Variants in NELL1 observed in about 807,000 individuals in gnomAD.
The protein encoded by NELL1 is protein kinase C-binding protein NELL1.
In NELL1, 76 loss-of-function variants were observed where a neutral mutation model predicts 107.4. The observed-to-expected ratio is 0.71, with a 90% CI of 0.59 to 0.86. The LOEUF (loss-of-function observed/expected upper bound fraction) is 0.86, where lower values mean the gene tolerates loss of function less well. NELL1 is among the 40% of genes least tolerant of loss of function. The probability of loss-of-function intolerance (pLI) is 0.00; values close to 1 mark genes in which losing one functional copy is unlikely to be tolerated. For missense variants in NELL1, 1,024 were observed against 1,005.5 expected (o/e 1.02, Z -0.25); for synonymous variants, 353 against 341.2 (o/e 1.03, Z -0.38).
intron 15 of NELL1, among the ~76,000 whole-genome samples, chr11:21,484,899 C>T (rs1403741671): frequency 1.3e-5 from 2 of 152,052 alleles, no homozygotes; most frequent in African/African-American, 4.8e-5. Context: ...TCACAGTTCA[C>T]ATAGATTTCC....
chr11:21,257,106 C>T (rs921516052), intron 14 of NELL1, among the ~76,000 whole-genome samples: 1 of 151,942 alleles, frequency 6.6e-6, no homozygotes, highest in African/African-American at 2.4e-5. Flanking sequence ...GGAAGTCAGG[C>T]AGGTGTGTGT....
At chr11:21,096,575 C>A (rs185122362) in intron 12 of NELL1, among the ~76,000 whole-genome samples, 7 of 152,188 alleles carry the variant, frequency 4.6e-5, no homozygotes, top group Admixed American at 2.6e-4. Flanking sequence ...GCCACTCCCC[C>A]TCATTTGTTG....
intron 14 of NELL1, among the ~76,000 whole-genome samples, chr11:21,246,846 G>A (rs1424771622): frequency 6.6e-6 from 1 of 152,160 alleles, no homozygotes; most frequent in East Asian, 1.9e-4. Context: ...ATGGTGGCAA[G>A]CCAGAGAGGA....
intron 16 of NELL1, among the ~76,000 whole-genome samples, chr11:21,552,509 G>T (rs1313921019): frequency 6.6e-6 from 1 of 151,076 alleles, no homozygotes; most frequent in African/African-American, 2.4e-5. Flanking sequence ...AGAAAAAAAA[G>T]ACAAATTTAA....
At chr11:21,329,126 C>T (rs1850214582) in intron 14 of NELL1, among the ~76,000 whole-genome samples, 1 of 152,076 alleles carries the variant, frequency 6.6e-6, no homozygotes, top group Admixed American at 6.6e-5. Flanking sequence ...TGATATGGTT[C>T]ATCTGTATCC....
chr11:21,201,261 G>C (rs1857263319), intron 13 of NELL1, among the ~76,000 whole-genome samples: 1 of 152,128 alleles, frequency 6.6e-6, no homozygotes, highest in South Asian at 2.1e-4. Context: ...TCCCATTCAT[G>C]ACCATGAAAT....
intron 14 of NELL1, among the ~76,000 whole-genome samples, chr11:21,286,778 A>G (rs140364716): frequency 6.6e-6 from 1 of 152,326 alleles, no homozygotes; most frequent in Admixed American, 6.5e-5. Flanking sequence ...TCTCACTTAG[A>G]TATGAACATC....
chr11:21,173,248 G>A (rs550574467), intron 13 of NELL1, among the ~76,000 whole-genome samples: 21 of 151,770 alleles, frequency 1.4e-4, no homozygotes, highest in Middle Eastern at 6.8e-3. Context: ...AGGCAAAGGG[G>A]GTAAATTTCA....
chr11:21,197,128 C>T (rs1236237166), intron 13 of NELL1, among the ~76,000 whole-genome samples: 2 of 151,934 alleles, frequency 1.3e-5, no homozygotes, highest in Non-Finnish European at 2.9e-5. Flanking sequence ...CCGCCTGCCT[C>T]AGCCTCCCAA....
At chr11:21,345,225 A>G (rs1221911105) in intron 14 of NELL1, among the ~76,000 whole-genome samples, 1 of 152,182 alleles carries the variant, frequency 6.6e-6, no homozygotes, top group Admixed American at 6.5e-5. Context: ...GACTGAAATA[A>G]TGTTATAGTT....
At chr11:21,565,939 T>TAGA (rs1308181781) in intron 17 of NELL1, among the ~76,000 whole-genome samples, 12 of 151,956 alleles carry the variant, frequency 7.9e-5, no homozygotes, top group Non-Finnish European at 1.6e-4. Flanking sequence ...TGTGAGAAAG[T>TAGA]AGAATAGGTG....
chr11:20,909,121 A>T (rs1850069142), intron 5 of NELL1, among the ~76,000 whole-genome samples: 1 of 152,206 alleles, frequency 6.6e-6, no homozygotes, highest in Admixed American at 6.6e-5. Flanking sequence ...AATATCAAAA[A>T]TAGGCAAATT....
chr11:21,462,435 A>G (rs1853921531), intron 15 of NELL1, among the ~76,000 whole-genome samples: 1 of 152,006 alleles, frequency 6.6e-6, no homozygotes. Flanking sequence ...GTTAAAATAG[A>G]TTGTTTTCTT....
intron 14 of NELL1, among the ~76,000 whole-genome samples, chr11:21,332,706 A>G (rs1425378262): frequency 6.6e-6 from 1 of 152,002 alleles, no homozygotes; most frequent in Admixed American, 6.6e-5. Flanking sequence ...CTGTTGTATT[A>G]GCTAACAATA....
intron 13 of NELL1, among the ~76,000 whole-genome samples, chr11:21,189,580 C>T (rs2133834023): frequency 6.6e-6 from 1 of 151,490 alleles, no homozygotes; most frequent in South Asian, 2.1e-4. Context: ...GAGAGAATAT[C>T]TACTCAGTTT....
At chr11:21,417,570 A>G (rs779778339) in intron 15 of NELL1, among the ~76,000 whole-genome samples, 3 of 151,946 alleles carry the variant, frequency 2.0e-5, no homozygotes, top group African/African-American at 4.8e-5. Context: ...TACCTAATAG[A>G]GATGTTATGA....
intron 15 of NELL1, among the ~76,000 whole-genome samples, chr11:21,529,371 C>T: frequency 6.6e-6 from 1 of 152,170 alleles, no homozygotes; most frequent in East Asian, 1.9e-4. Context: ...AGGCACATCC[C>T]TAAGAACCCA....
chr11:20,778,933 T>C (rs973604050), intron 2 of NELL1, among the ~76,000 whole-genome samples: 6 of 152,138 alleles, frequency 3.9e-5, no homozygotes, highest in Non-Finnish European at 7.4e-5. Context: ...TCCTGTGTTA[T>C]TCATTGCTCA....
intron 14 of NELL1, among the ~76,000 whole-genome samples, chr11:21,302,851 T>A (rs1049702471): frequency 6.6e-6 from 1 of 151,224 alleles, no homozygotes; most frequent in African/African-American, 2.4e-5. Flanking sequence ...ATGTGAGGAG[T>A]TTGAGATCAG....
Sources: allele counts gnomAD v4.1 joint callset (sites outside exome capture counted in the v4.1 genomes callset), GRCh38; gene constraint gnomAD v4.1.1; transcripts MANE v1.5; gene names NCBI Gene and HGNC (gene_info 2026-07-23, HGNC 2026-07-21).